Variants in CSMD1 observed in about 807,000 individuals in gnomAD.
The protein encoded by CSMD1 is CUB and sushi domain-containing protein 1.
A neutral mutation model predicts 417.5 loss-of-function variants in CSMD1; 213 were observed. The observed-to-expected ratio is 0.51, with a 90% CI of 0.46 to 0.57. CSMD1 has a LOEUF of 0.57. Among genes scored for constraint, CSMD1 ranks in the 20% least tolerant of loss-of-function variants. The probability of loss-of-function intolerance (pLI) is 0.00; values close to 1 mark genes in which losing one functional copy is unlikely to be tolerated. For missense variants in CSMD1, 6,923 were observed against 4,529.7 expected, an observed-to-expected ratio of 1.53 and a Z score of -15.17; for synonymous variants, 2,862 against 1,736.8, an observed-to-expected ratio of 1.65 and a Z score of -16.11.
chr8:3,719,187 T>A (rs1217277449), intron 6 of CSMD1, among the ~76,000 whole-genome samples: 2 of 152,136 alleles, frequency 1.3e-5, no homozygotes, highest in East Asian at 3.9e-4. Flanking sequence ...GCCACTATAA[T>A]TTCCCAAATT....
intron 2 of CSMD1, among the ~76,000 whole-genome samples, chr8:4,544,451 C>T (rs749007194): frequency 1.3e-5 from 2 of 151,968 alleles, no homozygotes; most frequent in Non-Finnish European, 2.9e-5. Flanking sequence ...ATGTAGTTTA[C>T]TCTTTCCTTG....
intron 5 of CSMD1, among the ~76,000 whole-genome samples, chr8:3,983,796 A>G (rs1187154819): frequency 6.6e-6 from 1 of 152,070 alleles, no homozygotes; most frequent in Non-Finnish European, 1.5e-5. Context: ...CGCAGTTCTG[A>G]TGGGGCTGTC....
chr8:4,267,319 A>C (rs1002075364), intron 3 of CSMD1, among the ~76,000 whole-genome samples: 3 of 103,944 alleles, frequency 2.9e-5, no homozygotes, highest in African/African-American at 7.8e-5. Flanking sequence ...TAATTTAAAA[A>C]TTATAAAATA....
intron 1 of CSMD1, among the ~76,000 whole-genome samples, chr8:4,658,548 G>T (rs10092354): frequency 6.6e-6 from 1 of 151,892 alleles, no homozygotes; most frequent in Non-Finnish European, 1.5e-5. Flanking sequence ...ATCAGACATT[G>T]ATAAACTAGA....
chr8:4,171,742 T>C (rs1037221589), intron 3 of CSMD1, among the ~76,000 whole-genome samples: 3 of 149,768 alleles, frequency 2.0e-5, no homozygotes, highest in African/African-American at 7.7e-5. Context: ...ATTTTCATCT[T>C]TTTATTTTAT....
intron 49 of CSMD1, among the ~76,000 whole-genome samples, chr8:3,063,745 G>C (rs1051842485): frequency 6.6e-6 from 1 of 152,148 alleles, no homozygotes; most frequent in Non-Finnish European, 1.5e-5. Context: ...AATACTATGT[G>C]ATTCTACTTA....
At chr8:4,158,293 A>C (rs1004256563) in intron 3 of CSMD1, among the ~76,000 whole-genome samples, 1 of 152,064 alleles carries the variant, frequency 6.6e-6, no homozygotes, top group East Asian at 1.9e-4. Flanking sequence ...ACAGAAGTAC[A>C]TGTCAAGCCC....
intron 2 of CSMD1, among the ~76,000 whole-genome samples, chr8:4,483,789 T>G (rs928025513): frequency 3.3e-5 from 5 of 152,148 alleles, no homozygotes; most frequent in African/African-American, 7.2e-5. Flanking sequence ...ATTTAAAATT[T>G]TATTAATATG....
intron 26 of CSMD1, among the ~76,000 whole-genome samples, chr8:3,280,386 T>G (rs562830009): frequency 1.3e-5 from 2 of 152,326 alleles, no homozygotes; most frequent in South Asian, 4.1e-4. Context: ...AACTCACATT[T>G]CCAGAGTTGT....
At chr8:4,065,281 GT>G (rs1799185600) in intron 3 of CSMD1, among the ~76,000 whole-genome samples, 1 of 152,188 alleles carries the variant, frequency 6.6e-6, no homozygotes, top group Admixed American at 6.5e-5. Context: ...CTGTTGGGCA[GT>G]GCTTCCCCAT....
chr8:3,794,416 A>T (rs527851116), intron 5 of CSMD1, among the ~76,000 whole-genome samples: 2 of 152,178 alleles, frequency 1.3e-5, no homozygotes, highest in African/African-American at 4.8e-5. Flanking sequence ...AACAACCTGT[A>T]CCTTTGTTAA....
At chr8:4,992,782 C>T (rs1409302866) in intron 1 of CSMD1, among the ~76,000 whole-genome samples, 1 of 152,230 alleles carries the variant, frequency 6.6e-6, no homozygotes, top group Non-Finnish European at 1.5e-5. Context: ...CGGACTGAGC[C>T]GGGCGGGTGG....
intron 6 of CSMD1, among the ~76,000 whole-genome samples, chr8:3,737,002 C>T (rs145399737): frequency 6.9e-4 from 105 of 152,308 alleles, no homozygotes; most frequent in African/African-American, 2.3e-3. Flanking sequence ...ACACAGGTGA[C>T]ATTCAGCACA....
chr8:4,557,846 G>A (rs553975680), intron 2 of CSMD1, among the ~76,000 whole-genome samples: 1 of 152,230 alleles, frequency 6.6e-6, no homozygotes, highest in African/African-American at 2.4e-5. Flanking sequence ...CTACATCAGA[G>A]TCACACTCTT....
intron 7 of CSMD1, among the ~76,000 whole-genome samples, chr8:3,665,230 T>C (rs1798623756): frequency 6.6e-6 from 1 of 152,170 alleles, no homozygotes; most frequent in Non-Finnish European, 1.5e-5. Context: ...AAATAAAATA[T>C]AATTTGTCAG....
chr8:4,393,365 G>T (rs1330516074), intron 3 of CSMD1, among the ~76,000 whole-genome samples: 1 of 152,134 alleles, frequency 6.6e-6, no homozygotes, highest in Non-Finnish European at 1.5e-5. Context: ...AATTGCCAAG[G>T]CCAAGAAACT....
At chr8:3,387,445 C>G in intron 18 of CSMD1, 49 bp downstream of exon 18, 1 of 1,472,702 alleles carries the variant, frequency 6.8e-7, no homozygotes, top group Non-Finnish European at 9.3e-7. Flanking sequence ...GACGTGTGCG[C>G]TGTCTCTGCA....
chr8:4,485,519 T>C (rs1801330886), intron 2 of CSMD1, among the ~76,000 whole-genome samples: 1 of 152,176 alleles, frequency 6.6e-6, no homozygotes, highest in African/African-American at 2.4e-5. Context: ...TTACCATCAA[T>C]AGTCCCTTAA....
At chr8:3,716,339 A>G (rs929875558) in intron 6 of CSMD1, among the ~76,000 whole-genome samples, 6 of 152,214 alleles carry the variant, frequency 3.9e-5, no homozygotes, top group Admixed American at 3.9e-4. Flanking sequence ...TAGAGGAATA[A>G]AAGAAGGGCT....
Sources: allele counts gnomAD v4.1 joint callset (sites outside exome capture counted in the v4.1 genomes callset), GRCh38; gene constraint gnomAD v4.1.1; transcripts MANE v1.5; gene names NCBI Gene and HGNC (gene_info 2026-07-23, HGNC 2026-07-21).